The following SLC7A9 variants were observed in gnomAD, a reference collection of about 807,000 sequenced individuals.
SLC7A9 encodes B(0,+)-type amino acid transporter 1.
Under a neutral mutation model 54.1 loss-of-function variants are expected in SLC7A9, and 38 were observed. The ratio of observed to expected loss-of-function variants is 0.70; its 90% CI spans 0.54 to 0.92. The LOEUF (loss-of-function observed/expected upper bound fraction) is 0.92, where lower values mean the gene tolerates loss of function less well. Ranked by LOEUF, SLC7A9 falls within the 40% of genes least tolerant of loss-of-function variation. The probability of loss-of-function intolerance (pLI) is 0.00; values close to 1 mark genes in which losing one functional copy is unlikely to be tolerated. For synonymous variants in SLC7A9, 264 were observed against 258.9 expected, an observed-to-expected ratio of 1.02 and a Z score of -0.19; for missense variants, 537 against 636.1, an observed-to-expected ratio of 0.84 and a Z score of 1.68.
intron 2 of SLC7A9, among the ~76,000 whole-genome samples, chr19:32,866,446 C>T (rs1323551266): frequency 6.6e-6 from 1 of 152,170 alleles, no homozygotes; most frequent in Non-Finnish European, 1.5e-5. Flanking sequence ...TTTTTAGAGT[C>T]AGGGTCTCGC....
At chr19:32,840,180 T>C (rs1415550643) in intron 11 of SLC7A9, among the ~76,000 whole-genome samples, 2 of 152,182 alleles carry the variant, frequency 1.3e-5, no homozygotes, top group Non-Finnish European at 2.9e-5. Context: ...CTTTCTTTTC[T>C]TTTTTTCTTT....
At chr19:32,866,158 G>C (rs1456241885) in intron 2 of SLC7A9, among the ~76,000 whole-genome samples, 1 of 152,184 alleles carries the variant, frequency 6.6e-6, no homozygotes, top group African/African-American at 2.4e-5. Context: ...GATCGCAGGG[G>C]ATGAGGGGCT....
chr19:32,845,473 G>C (rs1040959224), intron 9 of SLC7A9, among the ~76,000 whole-genome samples: 8 of 152,048 alleles, frequency 5.3e-5, no homozygotes, highest in Non-Finnish European at 8.8e-5. Flanking sequence ...CCAGACTCCA[G>C]CCTGAGCGAC....
intron 10 of SLC7A9, among the ~76,000 whole-genome samples, chr19:32,842,542 A>AT (rs1236699512): frequency 2.0e-5 from 3 of 152,204 alleles, no homozygotes; most frequent in Non-Finnish European, 4.4e-5. Flanking sequence ...TGAGGTTGTG[A>AT]TTTTAAGCAA....
chr19:32,856,020 A>T (rs1385368071), intron 9 of SLC7A9, among the ~76,000 whole-genome samples: 1 of 152,152 alleles, frequency 6.6e-6, no homozygotes, highest in Non-Finnish European at 1.5e-5. Context: ...ATAGCAATAG[A>T]GAGTAGAATG....
At chr19:32,855,543 CAA>C (rs746142961) in intron 9 of SLC7A9, among the ~76,000 whole-genome samples, 1 of 151,136 alleles carries the variant, frequency 6.6e-6, no homozygotes, top group Non-Finnish European at 1.5e-5. Context: ...ACTAAAAATA[CAA>C]AAAAAAATTA....
intron 9 of SLC7A9, 95 bp from the exon 10 acceptor site, chr19:32,844,046 C>T (rs1968208373): frequency 2.2e-6 from 2 of 904,182 alleles, no homozygotes; most frequent in Non-Finnish European, 1.8e-6. Context: ...CCAAGGAGCC[C>T]TCGGGAGGCT....
chr19:32,836,739 G>A (rs999779450), intron 11 of SLC7A9, among the ~76,000 whole-genome samples: 37 of 152,128 alleles, frequency 2.4e-4, no homozygotes, highest in African/African-American at 8.0e-4. Context: ...TTCTCCCTCC[G>A]TGGATTTCCT....
intron 7 of SLC7A9, chr19:32,860,319 G>A (rs1217122102): frequency 3.6e-6 from 5 of 1,375,286 alleles, no homozygotes; most frequent in African/African-American, 2.9e-5. Flanking sequence ...CACTTTGGGA[G>A]GCCGAGATGG....
chr19:32,868,348 C>T (rs1013719223), intron 2 of SLC7A9, 100 bp downstream of exon 2: 14 of 799,922 alleles, frequency 1.8e-5, no homozygotes, highest in Admixed American at 1.1e-4. Context: ...CATCTTCTGC[C>T]GTGTCACTAG....
At chr19:32,851,915 G>T (rs1427654568) in intron 9 of SLC7A9, among the ~76,000 whole-genome samples, 1 of 151,776 alleles carries the variant, frequency 6.6e-6, no homozygotes, top group South Asian at 2.1e-4. Flanking sequence ...GCAAACTATT[G>T]CAAGGACAAA....
At chr19:32,867,513 A>C (rs1181786268) in intron 2 of SLC7A9, among the ~76,000 whole-genome samples, 1 of 149,330 alleles carries the variant, frequency 6.7e-6, no homozygotes, top group East Asian at 2.0e-4. Context: ...TAAGACCCTG[A>C]CTCTAAAAAA....
At chr19:32,849,269 A>G (rs1350015195) in intron 9 of SLC7A9, among the ~76,000 whole-genome samples, 1 of 152,212 alleles carries the variant, frequency 6.6e-6, no homozygotes, top group Non-Finnish European at 1.5e-5. Context: ...AAGGATCAAC[A>G]AAATTGATAG....
intron 4 of SLC7A9, 52 bp downstream of exon 4, chr19:32,864,044 C>T: frequency 1.9e-6 from 3 of 1,612,120 alleles, no homozygotes; most frequent in Non-Finnish European, 2.5e-6. Flanking sequence ...AGTCCCCAGA[C>T]ACCCTCTGTG....
chr19:32,845,598 A>T (rs550098632), intron 9 of SLC7A9, among the ~76,000 whole-genome samples: 2 of 152,372 alleles, frequency 1.3e-5, no homozygotes, highest in East Asian at 3.9e-4. Context: ...GAACATTACA[A>T]GTTATAATCT....
At chr19:32,839,275 C>G (rs139940068) in intron 11 of SLC7A9, among the ~76,000 whole-genome samples, 1 of 152,014 alleles carries the variant, frequency 6.6e-6, no homozygotes, top group East Asian at 1.9e-4. Context: ...ATGTAATTGG[C>G]GGGGCACGGT....
At chr19:32,864,002 C>T (rs1968883682) in intron 4 of SLC7A9, 94 bp downstream of exon 4, 1 of 1,593,038 alleles carries the variant, frequency 6.3e-7, no homozygotes, top group African/African-American at 1.3e-5. Context: ...TGGGCTCTCA[C>T]CAGAGACTCA....
chr19:32,833,777 AC>A (rs1311670555), intron 11 of SLC7A9, among the ~76,000 whole-genome samples: 1 of 150,378 alleles, frequency 6.6e-6, no homozygotes, highest in African/African-American at 2.5e-5. Context: ...AGCCTGGGCC[AC>A]GGGAGGGAAA....
intron 11 of SLC7A9, among the ~76,000 whole-genome samples, chr19:32,836,725 G>C (rs1377302160): frequency 1.3e-5 from 2 of 152,138 alleles, no homozygotes; most frequent in South Asian, 4.1e-4. Flanking sequence ...TGTTATTAAC[G>C]TGTTTCTCCC....
Sources: allele counts gnomAD v4.1 joint callset (sites outside exome capture counted in the v4.1 genomes callset), GRCh38; gene constraint gnomAD v4.1.1; transcripts MANE v1.5; gene names NCBI Gene and HGNC (gene_info 2026-07-23, HGNC 2026-07-21).